The following KIF4A variants were observed in gnomAD, a reference collection of about 807,000 sequenced individuals.
KIF4A encodes kinesin family member 4A.
A neutral mutation model predicts 105.9 loss-of-function variants in KIF4A; 7 were observed. The ratio of observed to expected loss-of-function variants is 0.07; its 90% CI spans 0.04 to 0.12. The LOEUF (loss-of-function observed/expected upper bound fraction) is 0.12. Among genes scored for constraint, KIF4A ranks in the 10% least tolerant of loss-of-function variants. The pLI is 1.00. For missense variants in KIF4A, 558 were observed against 929.2 expected, an observed-to-expected ratio of 0.60 and a Z score of 5.19; for synonymous variants, 281 against 331.3, an observed-to-expected ratio of 0.85 and a Z score of 1.65.
chrX:70,308,359 G>C (rs1425639188), intron 7 of KIF4A, among the ~76,000 whole-genome samples: 1 of 111,859 alleles, frequency 8.9e-6, no homozygotes, highest in Non-Finnish European at 1.9e-5. Flanking sequence ...AACTATACAA[G>C]TAATACATGA....
chrX:70,370,108 G>A (rs1012436138), intron 15 of KIF4A, among the ~76,000 whole-genome samples: 3 of 111,148 alleles, frequency 2.7e-5, no homozygotes, highest in Non-Finnish European at 5.7e-5. Flanking sequence ...ATATAGCCTG[G>A]GTGTATAGTA....
At chrX:70,387,350 AAGG>A in intron 20 of KIF4A, 53 bp downstream of exon 20, 1 of 910,740 alleles carries the variant, frequency 1.1e-6, no homozygotes. Context: ...AACAGGAAAA[AAGG>A]AGAAATAGCT....
At chrX:70,293,815 G>A (rs1412405826) in intron 3 of KIF4A, among the ~76,000 whole-genome samples, 1 of 112,250 alleles carries the variant, frequency 8.9e-6, no homozygotes, top group Non-Finnish European at 1.9e-5. Context: ...ACTGGAAGTT[G>A]CTCTGAGTGA....
At chrX:70,345,813 C>T (rs953401606) in intron 13 of KIF4A, among the ~76,000 whole-genome samples, 7 of 111,401 alleles carry the variant, frequency 6.3e-5, no homozygotes, top group Middle Eastern at 4.6e-3. Context: ...ATAGGGATAA[C>T]GGGGAAAGGA....
intron 15 of KIF4A, among the ~76,000 whole-genome samples, chrX:70,366,807 T>C (rs1343270602): frequency 1.8e-5 from 2 of 111,406 alleles, no homozygotes; most frequent in South Asian, 3.8e-4. Context: ...GATATCCTTG[T>C]TAATTTTCTG....
In KIF4A at chrX:70,420,500, C is replaced by A. The variant is rs926917014; in HGVS notation, c.*235C>A. On this transcript the variant is annotated 3_prime_UTR_variant, in exon 31 of 31. Coordinates refer to ENST00000374403, the MANE Select transcript of KIF4A (RefSeq NM_012310.5). ...CTAAGTCACCTACTGAAGAGAGAAC[C>A]AACTGACTTTCCTATTGACTCATCA... The A allele has an allele frequency of 2.6e-6, 1 of 386,815 alleles. No homozygotes were observed. Among genetic ancestry groups the A allele is most frequent in the Non-Finnish European group, 4.4e-6 (1 of 225,081 alleles). The allele number at this position is 386,815 out of a possible 1,213,427, so 31.9% of individuals were successfully genotyped here.
At chrX:70,300,759 C>T (rs1326074838) in intron 5 of KIF4A, among the ~76,000 whole-genome samples, 2 of 111,987 alleles carry the variant, frequency 1.8e-5, no homozygotes, top group African/African-American at 6.5e-5. Context: ...ATCTCTCCAA[C>T]TCTGTTACAA....
intron 20 of KIF4A, among the ~76,000 whole-genome samples, chrX:70,388,973 G>A (rs1462469382): frequency 1.8e-5 from 2 of 112,275 alleles, no homozygotes; most frequent in African/African-American, 3.2e-5. Context: ...ATCTTGGCTG[G>A]GTGTAGTGGC....
intron 15 of KIF4A, among the ~76,000 whole-genome samples, chrX:70,362,888 T>C (rs1376507743): frequency 1.8e-5 from 2 of 111,807 alleles, no homozygotes; most frequent in Non-Finnish European, 3.8e-5. Flanking sequence ...TCACCATCTT[T>C]TTTTTTCTCT....
chrX:70,410,609 G>A (rs1419470856), intron 28 of KIF4A, among the ~76,000 whole-genome samples: 5 of 111,820 alleles, frequency 4.5e-5, no homozygotes, highest in African/African-American at 1.6e-4. Flanking sequence ...TTGTGGGGGT[G>A]GTTTGGGGAT....
At chrX:70,377,791 C>G (rs918342268) in intron 18 of KIF4A, among the ~76,000 whole-genome samples, 1 of 111,789 alleles carries the variant, frequency 8.9e-6, no homozygotes, top group Non-Finnish European at 1.9e-5. Flanking sequence ...CAAAAATTAG[C>G]CGGGCATGGT....
intron 7 of KIF4A, among the ~76,000 whole-genome samples, chrX:70,309,524 C>A (rs1466457822): frequency 3.6e-5 from 4 of 111,050 alleles, no homozygotes; most frequent in Non-Finnish European, 7.6e-5. Context: ...CATATTTTTT[C>A]TATTTTTGAA....
At chrX:70,342,598 A>G (rs2085976515) in intron 11 of KIF4A, among the ~76,000 whole-genome samples, 1 of 112,063 alleles carries the variant, frequency 8.9e-6, no homozygotes, top group Non-Finnish European at 1.9e-5. Flanking sequence ...TTTCCACCAA[A>G]ATATAATTGA....
Position 70,390,638 on chromosome X carries a change from G to A in KIF4A, c.2232+3341G>A, listed in dbSNP as rs1056776957. ...TAATTTATTCTGTCAAGGCATAGCTGACATACAATAAAATAAACCCTTTTG... is the reference window on the plus strand; with the variant it reads ...TAATTTATTCTGTCAAGGCATAGCTAACATACAATAAAATAAACCCTTTTG... On this transcript the variant is annotated intron_variant, in intron 20 of 30. Transcript: ENST00000374403. Among the ~76,000 whole-genome samples, 5 of 111,362 alleles carry A rather than the reference G, an allele frequency of 4.5e-5. No individual in the cohort carries two copies. In the East Asian group the frequency reaches 1.4e-3, roughly 31 times the overall value.
intron 26 of KIF4A, 25 bp downstream of exon 26, chrX:70,405,930 A>G (rs1017998557): frequency 1.7e-6 from 2 of 1,145,960 alleles, no homozygotes; most frequent in Non-Finnish European, 2.4e-6. Flanking sequence ...CACCCACTTG[A>G]TAAGCCCTAA....
At chrX:70,378,696 C>T (rs2086184682) in intron 18 of KIF4A, among the ~76,000 whole-genome samples, 1 of 99,354 alleles carries the variant, frequency 1.0e-5, no homozygotes, top group Admixed American at 1.2e-4. Context: ...CCATTGCACT[C>T]CAGCCTGGGC....
intron 12 of KIF4A, 30 bp downstream of exon 12, chrX:70,343,791 A>G (rs1569237380): frequency 1.7e-6 from 2 of 1,197,764 alleles, no homozygotes; most frequent in East Asian, 3.0e-5. Context: ...TTTGTTAGCA[A>G]CCTATAGCAT....
intron 7 of KIF4A, among the ~76,000 whole-genome samples, chrX:70,309,915 C>T (rs1299568177): frequency 1.8e-5 from 2 of 111,669 alleles, no homozygotes; most frequent in East Asian, 2.8e-4. Context: ...TGGTGGCGCA[C>T]GCCTGTAGTC....
chrX:70,396,040 T>G lies in KIF4A; in HGVS notation c.2480T>G (p.Met827Arg). 8.5e-7 allele frequency: 1 copy of G among 1,182,450 alleles called. No individual in the cohort carries two copies. The highest frequency in any genetic ancestry group is 2.2e-5 in the Admixed American group (1 of 45,297). ...TKQIESLETE[M>R]EFRSAQIADL... Reference sequence around the variant, plus strand: ...CAGATTGAAAGCCTAGAGACTGAAATGGAATTCAGGTAACAGGGACTATCT... The same window carrying G: ...CAGATTGAAAGCCTAGAGACTGAAAGGGAATTCAGGTAACAGGGACTATCT... The change falls in exon 22 of 31, where the codon ATG (methionine) becomes AGG (arginine). Residue 827 changes from methionine (M) to arginine (R), a missense_variant. Met to Arg is a moderately conservative substitution (Grantham distance 91, BLOSUM62 -1). Around this residue, in one of 2 missense-constraint regions of KIF4A, gnomAD observed 469 missense variants for 680.4 expected, o/e 0.69. Coordinates refer to ENST00000374403, the MANE Select transcript of KIF4A (RefSeq NM_012310.5).
Sources: gnomAD v4.1 joint callset for allele counts (sites outside exome capture counted in the v4.1 genomes callset) on GRCh38, gnomAD v4.1.1 for gene constraint, gnomAD v4.1.1 regional missense constraint, MANE v1.5 for transcripts, NCBI Gene and HGNC (gene_info 2026-07-23, HGNC 2026-07-21) for gene names.